Variants in PRKAR1A observed in about 807,000 individuals in gnomAD.
PRKAR1A encodes the protein protein kinase cAMP-dependent type I regulatory subunit alpha.
In PRKAR1A, 3 loss-of-function variants were observed where a neutral mutation model predicts 52.0. The observed-to-expected ratio is 0.06, with a 90% CI of 0.03 to 0.15. The LOEUF is 0.15. PRKAR1A is among the 10% of genes least tolerant of loss of function. PRKAR1A has a pLI of 1.00. For missense variants in PRKAR1A, 240 were observed against 477.4 expected (o/e 0.50, Z 4.63); for synonymous variants, 188 against 168.4 (o/e 1.12, Z -0.90).
chr17:68,427,034 C>T, the PRKAR1A span: 18 of 982,596 alleles, frequency 1.8e-5, no homozygotes, highest in African/African-American at 2.7e-4. Flanking sequence ...GGCACTCCAC[C>T]CCCAGGTAAC....
At chr17:68,537,535 A>G, downstream of PRKAR1A, 6 of 1,613,812 alleles carry the variant, frequency 3.7e-6, no homozygotes, top group Non-Finnish European at 5.1e-6. This position sits in a 1 kb window ranked among gnomAD's most constrained non-coding sequence, Gnocchi z 4.2. Context: ...TGGGCCGTCG[A>G]CTATGACACT....
chr17:68,513,884 G>A (rs947094551), intron 1 of PRKAR1A, among the ~76,000 whole-genome samples: 1 of 152,108 alleles, frequency 6.6e-6, no homozygotes, highest in African/African-American at 2.4e-5. Flanking sequence ...TTGATCATTT[G>A]AATGTTCTTA....
At chr17:68,550,587 G>A (rs868404755) in intron 11 of PRKAR1A, among the ~76,000 whole-genome samples, 4 of 151,960 alleles carry the variant, frequency 2.6e-5, no homozygotes, top group African/African-American at 9.7e-5. Context: ...CACCATGATG[G>A]CCAGGCTGGT....
chr17:68,483,355 C>T, the PRKAR1A span, among the ~76,000 whole-genome samples: 2 of 152,042 alleles, frequency 1.3e-5, no homozygotes, highest in East Asian at 3.9e-4. Context: ...GTGGCCAGCC[C>T]CTGTAATCCC....
the PRKAR1A span, among the ~76,000 whole-genome samples, chr17:68,443,147 G>T: frequency 9.9e-5 from 15 of 152,104 alleles, no homozygotes; most frequent in African/African-American, 3.1e-4. Flanking sequence ...GTCTCGATCT[G>T]TTGCCCAGGC....
the PRKAR1A span, among the ~76,000 whole-genome samples, chr17:68,450,072 C>A: frequency 6.6e-6 from 1 of 152,134 alleles, no homozygotes; most frequent in Non-Finnish European, 1.5e-5. Context: ...CTGCTAACAC[C>A]CCCAATACTT....
the PRKAR1A span, among the ~76,000 whole-genome samples, chr17:68,427,916 G>A: frequency 6.6e-6 from 1 of 152,096 alleles, no homozygotes; most frequent in Non-Finnish European, 1.5e-5. Flanking sequence ...TTGAGACAGG[G>A]TCTCACTCTG....
the PRKAR1A span, among the ~76,000 whole-genome samples, chr17:68,438,067 A>C: frequency 6.6e-6 from 1 of 152,270 alleles, no homozygotes; most frequent in Non-Finnish European, 1.5e-5. Flanking sequence ...TACCTCAACT[A>C]ATCTGCTGAG....
the PRKAR1A span, chr17:68,421,849 C>G: frequency 1.2e-5 from 19 of 1,613,950 alleles, no homozygotes; most frequent in East Asian, 4.2e-4. Context: ...AATGGCCTTA[C>G]TCTTCTCAGG....
At chr17:68,488,156 T>C in the PRKAR1A span, among the ~76,000 whole-genome samples, 7 of 152,006 alleles carry the variant, frequency 4.6e-5, no homozygotes, top group Admixed American at 1.3e-4. Context: ...TGAGGCTGTT[T>C]GGGGAGGTCT....
chr17:68,489,835 C>T, the PRKAR1A span, among the ~76,000 whole-genome samples: 816 of 152,132 alleles, frequency 5.4e-3, 15 homozygotes, highest in African/African-American at 0.019. Flanking sequence ...GGATTATAGG[C>T]GTGAGGCACC....
the PRKAR1A span, among the ~76,000 whole-genome samples, chr17:68,496,818 CTTTTTTTTTTT>C: frequency 9.9e-5 from 9 of 91,212 alleles, no homozygotes; most frequent in Admixed American, 1.5e-4. Context: ...TTAGTTTTTA[CTTTTTTTTTTT>C]TTTTTTTTTT....
the PRKAR1A span, among the ~76,000 whole-genome samples, chr17:68,505,914 G>A: frequency 2.6e-5 from 4 of 152,182 alleles, no homozygotes; most frequent in African/African-American, 9.7e-5. Flanking sequence ...TGTATGGAGG[G>A]TTGATGAGGT....
At chr17:68,511,219 T>C (rs2085259625), upstream of PRKAR1A, among the ~76,000 whole-genome samples, 2 of 152,160 alleles carry the variant, frequency 1.3e-5, no homozygotes, top group South Asian at 4.1e-4. Flanking sequence ...GTTGAATCCA[T>C]TATGAATTTT....
chr17:68,466,229 G>A, the PRKAR1A span, among the ~76,000 whole-genome samples: 1 of 152,060 alleles, frequency 6.6e-6, no homozygotes, highest in Non-Finnish European at 1.5e-5. Flanking sequence ...TCGCACGTGC[G>A]GGGACCTGCC....
At chr17:68,431,877 T>A in the PRKAR1A span, among the ~76,000 whole-genome samples, 1 of 95,454 alleles carries the variant, frequency 1.0e-5, no homozygotes, top group African/African-American at 4.1e-5. Context: ...CTGATAATAA[T>A]CCCCAGTGGA....
the PRKAR1A span, chr17:68,453,050 C>T: frequency 6.9e-7 from 1 of 1,450,788 alleles, no homozygotes; most frequent in Admixed American, 1.7e-5. Context: ...ACAGATCTGT[C>T]TGCAAATAGA....
intron 11 of PRKAR1A, among the ~76,000 whole-genome samples, chr17:68,538,848 G>A (rs986736091): frequency 2.0e-5 from 3 of 152,198 alleles, no homozygotes; most frequent in South Asian, 2.1e-4. Flanking sequence ...AAGACAAAAC[G>A]TTGTGGGGGA....
rs2085662955 is a variant in PRKAR1A, at chr17:68,522,916, A to G, written c.338A>G (p.Tyr113Cys). Residue 113 changes from tyrosine (Y) to cysteine (C), a missense_variant, in exon 3 of 11, where the codon TAT becomes TGT. This residue lies in a region of PRKAR1A where 107 missense variants were observed against 290.9 expected (regional missense o/e 0.37). Transcript: ENST00000589228. Reference sequence around the variant, plus strand: ...TACACGGAGGAAGATGCGGCATCCTATGTTAGAAAGGTAGTTTTGATATTT... The same window carrying G: ...TACACGGAGGAAGATGCGGCATCCTGTGTTAGAAAGGTAGTTTTGATATTT... The part of the protein sequence containing the change: ...EVYTEEDAAS[Y>C]VRKVIPKDYK... The G allele has an allele frequency of 1.3e-5, 21 of 1,613,712 alleles. No homozygotes were observed. The highest frequency in any genetic ancestry group is 1.8e-5 in the Non-Finnish European group (21 of 1,179,824).
Sources: allele counts gnomAD v4.1 joint callset (sites outside exome capture counted in the v4.1 genomes callset), GRCh38; gene constraint gnomAD v4.1.1; regional missense constraint gnomAD v4.1.1; non-coding constraint Gnocchi (gnomAD v3.1); transcripts MANE v1.5; gene names NCBI Gene and HGNC (gene_info 2026-07-23, HGNC 2026-07-21).